The following MYO5B variants were observed in gnomAD, a reference collection of about 807,000 sequenced individuals.
The protein encoded by MYO5B is unconventional myosin-Vb.
MYO5B carries 143 observed loss-of-function variants against 229.3 expected under a neutral mutation model. The observed-to-expected ratio is 0.62, with a 90% confidence interval of 0.54 to 0.72. The LOEUF is 0.72. Among genes scored for constraint, MYO5B ranks in the 30% least tolerant of loss-of-function variants. MYO5B has a pLI of 0.00. For missense variants in MYO5B, 2,321 were observed against 2,331.0 expected, an observed-to-expected ratio of 1.00 and a Z score of 0.09; for synonymous variants, 918 against 885.2, an observed-to-expected ratio of 1.04 and a Z score of -0.66.
At position 49,953,267 on chromosome 18, in the gene MYO5B, G is replaced by GC. The variant is rs1278281157; in HGVS notation, c.1744dup (p.Ala582GlyfsTer9). 1 of 1,613,984 alleles carries GC rather than the reference G, an allele frequency of 6.2e-7. No individual in the cohort carries two copies. Among genetic ancestry groups the GC allele is most frequent in the African/African-American group, 1.3e-5 (1 of 75,006 alleles). On this transcript the variant is annotated frameshift_variant, in exon 14 of 40. Transcript: ENST00000285039. LOFTEE classifies it high-confidence loss of function. ...ACTTCTGACACTCTTTACCTTGCTG[G>GC]CCTTCAGGATATTGATCTGCTCTTC...
chr18:49,856,726 A>T, intron 30 of MYO5B, 87 bp downstream of exon 30: 1 of 1,139,808 alleles, frequency 8.8e-7, no homozygotes, highest in Admixed American at 1.7e-5. Context: ...GTGCTCTCGC[A>T]CCCACTGTAG....
At chr18:50,011,206 G>A (rs925529771) in intron 4 of MYO5B, among the ~76,000 whole-genome samples, 8 of 152,140 alleles carry the variant, frequency 5.3e-5, no homozygotes, top group Non-Finnish European at 1.2e-4. Context: ...GCCGGGCGTG[G>A]TGGCGGGTGC....
At chr18:49,984,334 G>T (rs575767272) in intron 8 of MYO5B, among the ~76,000 whole-genome samples, 1 of 152,318 alleles carries the variant, frequency 6.6e-6, no homozygotes, top group Non-Finnish European at 1.5e-5. Flanking sequence ...TGGTGCACAG[G>T]TGCACTGGGT....
Position 49,912,119 on chromosome 18 carries a change from C to T in MYO5B, c.2145G>A (p.Glu715=), listed in dbSNP as rs1321573637. The part of the protein sequence containing the change: ...NRYRVLVKKR[E]LANTDKKAIC... Reference sequence around the variant, plus strand: ...TGGCCTTTTTGTCTGTGTTGGCGAGCTCTCTCTTCTTGACCAGCACCCGAT... The same window carrying T: ...TGGCCTTTTTGTCTGTGTTGGCGAGTTCTCTCTTCTTGACCAGCACCCGAT... The change falls in exon 18 of 40, where the codon GAG becomes GAA. Residue 715 remains glutamate (E), a synonymous_variant. Coordinates refer to ENST00000285039, the MANE Select transcript of MYO5B (RefSeq NM_001080467.3). 5 of 1,614,092 alleles carry T rather than the reference C, an allele frequency of 3.1e-6. No homozygotes were observed. Among genetic ancestry groups the T allele is most frequent in the South Asian group, 1.1e-5 (1 of 91,064 alleles).
chr18:49,922,655 G>A lies in MYO5B; in HGVS notation c.2090+6857C>T, dbSNP rs919730798. On this transcript the variant is annotated intron_variant, in intron 17 of 39. Coordinates refer to ENST00000285039, the MANE Select transcript of MYO5B (RefSeq NM_001080467.3). ...TTGCTAAGATGGCAAATGCCAGGAGGATAAGGAAGGCAGCATTCTAGATCT... is the reference window on the plus strand; with the variant it reads ...TTGCTAAGATGGCAAATGCCAGGAGAATAAGGAAGGCAGCATTCTAGATCT... Among the ~76,000 whole-genome samples the A allele has an allele frequency of 2.0e-5, 3 of 152,034 alleles. No homozygotes were observed. The East Asian group carries it at 5.8e-4, about 29-fold the overall frequency.
chr18:49,979,156 T>C (rs996389789), intron 9 of MYO5B, among the ~76,000 whole-genome samples: 2 of 152,096 alleles, frequency 1.3e-5, no homozygotes, highest in Non-Finnish European at 2.9e-5. Flanking sequence ...TGACAGTCCT[T>C]CTCATGGCAT....
intron 22 of MYO5B, among the ~76,000 whole-genome samples, chr18:49,887,834 C>T (rs2024661750): frequency 8.7e-6 from 1 of 115,484 alleles, no homozygotes; most frequent in Admixed American, 9.5e-5. Context: ...GCATGCACCA[C>T]CAAGCCCGGC....
chr18:49,839,565 G>T (rs2024032092), intron 35 of MYO5B, among the ~76,000 whole-genome samples: 1 of 152,240 alleles, frequency 6.6e-6, no homozygotes, highest in Admixed American at 6.5e-5. Context: ...CCCTACGGTA[G>T]CAAAACCTAG....
chr18:50,120,939 G>C (rs1253790652), intron 1 of MYO5B, among the ~76,000 whole-genome samples: 1 of 152,162 alleles, frequency 6.6e-6, no homozygotes, highest in Non-Finnish European at 1.5e-5. Context: ...CTCAGCTAGA[G>C]AATGAAGGAC....
chr18:50,095,783 C>T (rs2031538565), intron 1 of MYO5B, among the ~76,000 whole-genome samples: 2 of 152,208 alleles, frequency 1.3e-5, no homozygotes, highest in African/African-American at 4.8e-5. Context: ...ACACATCCAC[C>T]AGAACTTAGA....
At chr18:49,859,933 T>C (rs147281258) in intron 29 of MYO5B, among the ~76,000 whole-genome samples, 1,634 of 152,274 alleles carry the variant, frequency 0.011, 100 homozygotes, top group Admixed American at 0.092. Context: ...CACAGTTCCT[T>C]GTCAAACACA....
At chr18:50,091,123 C>A (rs1051414947) in intron 1 of MYO5B, among the ~76,000 whole-genome samples, 2 of 152,214 alleles carry the variant, frequency 1.3e-5, no homozygotes, top group African/African-American at 2.4e-5. Flanking sequence ...GCAACAGCCC[C>A]ACCTGTGCAT....
chr18:49,847,379 C>T, intron 32 of MYO5B, 90 bp from the exon 33 acceptor site: 1 of 1,507,798 alleles, frequency 6.6e-7, no homozygotes, highest in Non-Finnish European at 9.0e-7. Context: ...GAGGATGGGA[C>T]CTGGGGCAGG....
At chr18:50,086,337 G>A (rs946502825) in intron 1 of MYO5B, among the ~76,000 whole-genome samples, 3 of 152,120 alleles carry the variant, frequency 2.0e-5, no homozygotes, top group African/African-American at 7.2e-5. Flanking sequence ...AGATACACCT[G>A]TAAATATGTA....
At chr18:49,980,324 C>T (rs111537328) in intron 9 of MYO5B, 120 bp downstream of exon 9, 1 of 796,080 alleles carries the variant, frequency 1.3e-6, no homozygotes, top group African/African-American at 1.7e-5. Context: ...GAACAGAAAC[C>T]ATTACTGTTA....
At chr18:50,090,683 G>C (rs1193937418) in intron 1 of MYO5B, among the ~76,000 whole-genome samples, 3 of 152,132 alleles carry the variant, frequency 2.0e-5, no homozygotes, top group African/African-American at 7.2e-5. Context: ...AAAAATCAAA[G>C]CAGAAGAGTT....
intron 10 of MYO5B, among the ~76,000 whole-genome samples, chr18:49,965,811 G>T (rs921700088): frequency 3.7e-4 from 56 of 152,172 alleles, no homozygotes; most frequent in African/African-American, 1.3e-3. Context: ...TGGAAGGGCT[G>T]TGAATATGGA....
intron 4 of MYO5B, among the ~76,000 whole-genome samples, chr18:50,006,790 C>G (rs2026106544): frequency 6.6e-6 from 1 of 152,142 alleles, no homozygotes; most frequent in South Asian, 2.1e-4. Flanking sequence ...GGTCACTCTG[C>G]TCAAAGGAGA....
intron 17 of MYO5B, among the ~76,000 whole-genome samples, chr18:49,920,826 GC>G (rs1034553538): frequency 7.2e-5 from 11 of 152,158 alleles, no homozygotes; most frequent in Non-Finnish European, 1.5e-4. Context: ...GTCTGAGGGG[GC>G]CCAGCTTCTG....
Sources: allele counts gnomAD v4.1 joint callset (sites outside exome capture counted in the v4.1 genomes callset), GRCh38; gene constraint gnomAD v4.1.1; transcripts MANE v1.5; gene names NCBI Gene and HGNC (gene_info 2026-07-23, HGNC 2026-07-21).